The following ZFAT variants were observed in gnomAD, a reference collection of about 807,000 sequenced individuals.
The protein encoded by ZFAT is zinc finger and AT-hook domain containing.
A neutral mutation model predicts 117.7 loss-of-function variants in ZFAT; 64 were observed. The observed-to-expected ratio is 0.54, with a 90% confidence interval of 0.44 to 0.67. The LOEUF is 0.67. Ranked by LOEUF, ZFAT falls within the 30% of genes least tolerant of loss-of-function variation. The probability of loss-of-function intolerance (pLI) is 0.00; values close to 1 mark genes in which losing one functional copy is unlikely to be tolerated. For missense variants in ZFAT, 1,433 were observed against 1,584.5 expected (o/e 0.90, Z 1.62); for synonymous variants, 679 against 615.0 (o/e 1.10, Z -1.54).
At chr8:134,490,472 C>T (rs1283398009) in intron 15 of ZFAT, among the ~76,000 whole-genome samples, 9 of 152,156 alleles carry the variant, frequency 5.9e-5, no homozygotes, top group Non-Finnish European at 1.3e-4. Context: ...GGGTACTTGG[C>T]GATGTCTGGT....
chr8:134,695,242 A>G lies in ZFAT; in HGVS notation c.19+17603T>C, dbSNP rs1833769523. On this transcript the variant is annotated intron_variant, in intron 1 of 15. Coordinates refer to ENST00000377838, the MANE Select transcript of ZFAT (RefSeq NM_020863.4). ...CAGGAAGGCCCTCGCAGACGCTCTG[A>G]GAAGTGAGAAGCCTCGGCTCTGCTC... 2.0e-5 allele frequency among the ~76,000 whole-genome samples: 3 copies of G among 152,024 alleles called. No individual in the cohort carries two copies. In the South Asian group the frequency reaches 6.2e-4, roughly 31 times the overall value.
intron 1 of ZFAT, among the ~76,000 whole-genome samples, chr8:134,708,454 TAC>T (rs1491087342): frequency 3.9e-5 from 6 of 152,286 alleles, no homozygotes; most frequent in South Asian, 4.2e-4. Context: ...AATATGTCGT[TAC>T]AGTTTTTTTA....
In ZFAT at chr8:134,712,743, G is replaced by T. The variant is rs1171309222; in HGVS notation, c.19+102C>A. 3.3e-5 allele frequency: 39 copies of T among 1,192,152 alleles called. No homozygotes were observed. The African/African-American group carries it at 5.8e-4, about 18-fold the overall frequency. 73.8% of individuals were successfully genotyped at this position (1,192,152 alleles called of 1,614,324 possible). A position where few individuals can be genotyped will look rare whatever the true frequency, so the allele number is the denominator to read the frequency against. Reference sequence around the variant, plus strand: ...CGCGGCCGGCGGCCGGCGGCCGGCGGCCGGCGCACTGCTTCCCGACTCGAC... The same window carrying T: ...CGCGGCCGGCGGCCGGCGGCCGGCGTCCGGCGCACTGCTTCCCGACTCGAC... On this transcript the variant is annotated intron_variant, in intron 1 of 15. Coordinates refer to ENST00000377838, the MANE Select transcript of ZFAT (RefSeq NM_020863.4).
intron 15 of ZFAT, among the ~76,000 whole-genome samples, chr8:134,480,683 G>A (rs1817237418): frequency 6.6e-6 from 1 of 152,224 alleles, no homozygotes; most frequent in African/African-American, 2.4e-5. Flanking sequence ...ACTCCCAGGA[G>A]GTGTAGGGAG....
At chr8:134,738,014 T>C in the ZFAT span, among the ~76,000 whole-genome samples, 1 of 152,166 alleles carries the variant, frequency 6.6e-6, no homozygotes, top group African/African-American at 2.4e-5. Context: ...GTGGGGCATC[T>C]CACTTCCTCT....
the ZFAT span, among the ~76,000 whole-genome samples, chr8:134,782,531 A>G: frequency 1.7e-4 from 26 of 152,310 alleles, no homozygotes; most frequent in South Asian, 6.2e-4. Context: ...TAACTACCTT[A>G]TTTGTTTTAC....
chr8:134,679,603 T>C (rs1832970956), intron 1 of ZFAT, among the ~76,000 whole-genome samples: 1 of 152,146 alleles, frequency 6.6e-6, no homozygotes, highest in African/African-American at 2.4e-5. Flanking sequence ...ATCCAAAGGA[T>C]TATAAAACAT....
chr8:134,725,824 T>G, the ZFAT span, among the ~76,000 whole-genome samples: 1 of 152,158 alleles, frequency 6.6e-6, no homozygotes, highest in Middle Eastern at 3.4e-3. Context: ...AAGCTCTGCC[T>G]TCAGCTCACC....
At chr8:134,678,577 A>G (rs1467709252) in intron 1 of ZFAT, among the ~76,000 whole-genome samples, 2 of 152,232 alleles carry the variant, frequency 1.3e-5, no homozygotes, top group Non-Finnish European at 1.5e-5. Flanking sequence ...GAATTGTAAA[A>G]AACTACTTTA....
At chr8:134,673,017 T>C (rs755632336) in intron 1 of ZFAT, 1 of 152,298 alleles carries the variant, frequency 6.6e-6, no homozygotes, top group African/African-American at 2.4e-5. Flanking sequence ...GTTTGACGGT[T>C]GAAACAAAAA....
chr8:134,541,277 T>C (rs920892036), intron 11 of ZFAT, among the ~76,000 whole-genome samples: 6 of 152,148 alleles, frequency 3.9e-5, no homozygotes, highest in East Asian at 1.9e-4. Flanking sequence ...TATTCAAGGA[T>C]TGAAGGATTA....
At position 134,657,725 on chromosome 8, in the gene ZFAT, A is replaced by G; in HGVS notation, c.32T>C (p.Ile11Thr). The part of the protein sequence containing the change: METRAAENTA[I>T]FMCKCCNLFS... Reference sequence around the variant, plus strand: ...GAGGTTACAACATTTACACATAAAGATGGCCGTGTTTTCTGTAAGGAAAAA... The same window carrying G: ...GAGGTTACAACATTTACACATAAAGGTGGCCGTGTTTTCTGTAAGGAAAAA... The change falls in exon 2 of 16, where the codon ATC becomes ACC. Residue 11 changes from isoleucine (I) to threonine (T), a missense_variant. Transcript: ENST00000377838. The G allele has an allele frequency of 6.2e-7, 1 of 1,609,698 alleles. No individual in the cohort carries two copies. Among genetic ancestry groups the G allele is most frequent in the Non-Finnish European group, 8.5e-7 (1 of 1,178,524 alleles).
At chr8:134,792,055 T>C in the ZFAT span, 4 of 152,064 alleles carry the variant, frequency 2.6e-5, no homozygotes, top group African/African-American at 9.7e-5. Context: ...AGGTATGGAG[T>C]AAAATTGGTA....
intron 15 of ZFAT, among the ~76,000 whole-genome samples, chr8:134,494,498 T>G (rs1453239092): frequency 6.6e-6 from 1 of 152,172 alleles, no homozygotes; most frequent in East Asian, 1.9e-4. Context: ...ACGCACACTC[T>G]TCTCCCCCTA....
intron 11 of ZFAT, among the ~76,000 whole-genome samples, chr8:134,557,895 T>C (rs1160300900): frequency 6.6e-6 from 1 of 152,236 alleles, no homozygotes; most frequent in Non-Finnish European, 1.5e-5. Flanking sequence ...ACTAGCTGTG[T>C]GCTGTTTACA....
At chr8:134,771,823 T>C in the ZFAT span, among the ~76,000 whole-genome samples, 2 of 151,926 alleles carry the variant, frequency 1.3e-5, no homozygotes, top group African/African-American at 4.8e-5. Flanking sequence ...AAGAAAGAGG[T>C]TTAATGGATT....
At chr8:134,799,792 C>T in the ZFAT span, among the ~76,000 whole-genome samples, 1 of 152,142 alleles carries the variant, frequency 6.6e-6, no homozygotes, top group Non-Finnish European at 1.5e-5. Context: ...AAGTTGGCAT[C>T]ATCTTTATTG....
At chr8:134,693,249 A>G (rs1318683390) in intron 1 of ZFAT, among the ~76,000 whole-genome samples, 2 of 152,000 alleles carry the variant, frequency 1.3e-5, no homozygotes, top group Non-Finnish European at 2.9e-5. Flanking sequence ...AAAGCAGAAA[A>G]TGAGCCCAGA....
At chr8:134,758,190 A>G in the ZFAT span, among the ~76,000 whole-genome samples, 1 of 152,078 alleles carries the variant, frequency 6.6e-6, no homozygotes, top group Non-Finnish European at 1.5e-5. Flanking sequence ...TGTGAGGGGG[A>G]TTGGCTCTTA....
Sources: allele counts gnomAD v4.1 joint callset (sites outside exome capture counted in the v4.1 genomes callset), GRCh38; gene constraint gnomAD v4.1.1; transcripts MANE v1.5; gene names NCBI Gene and HGNC (gene_info 2026-07-23, HGNC 2026-07-21).